ZNF536: variants seen among roughly 807,000 people sequenced by gnomAD.
ZNF536 encodes the protein zinc finger protein 536.
In ZNF536, 13 loss-of-function variants were observed where a neutral mutation model predicts 84.5. That is an observed-to-expected ratio of 0.15 (90% CI 0.10 to 0.24). The LOEUF is 0.24. Ranked by LOEUF, ZNF536 falls within the 10% of genes least tolerant of loss-of-function variation. ZNF536 has a pLI of 1.00. For missense variants in ZNF536, 1,536 were observed against 1,747.5 expected (o/e 0.88, Z 2.16); for synonymous variants, 811 against 742.5 (o/e 1.09, Z -1.50).
intron 1 of ZNF536, among the ~76,000 whole-genome samples, chr19:30,432,921 G>A (rs960720472): frequency 6.6e-6 from 1 of 152,144 alleles, no homozygotes; most frequent in Non-Finnish European, 1.5e-5. Flanking sequence ...CTTTTTTATA[G>A]GAACCTGGTA....
chr19:30,442,172 G>A (rs1383203817), intron 1 of ZNF536, among the ~76,000 whole-genome samples: 1 of 152,238 alleles, frequency 6.6e-6, no homozygotes, highest in East Asian at 1.9e-4. Flanking sequence ...GACATAGCTG[G>A]AAATAGAAGG....
chr19:30,607,351 C>G (rs530283551), intron 1 of ZNF536, among the ~76,000 whole-genome samples: 1 of 151,806 alleles, frequency 6.6e-6, no homozygotes. Context: ...TATTATTATT[C>G]TCATTGTTAA....
chr19:30,455,812 A>T (rs1435413175), intron 2 of ZNF536, among the ~76,000 whole-genome samples: 1 of 152,190 alleles, frequency 6.6e-6, no homozygotes, highest in African/African-American at 2.4e-5. Flanking sequence ...GATCTATCAA[A>T]CTCGAGGTGA....
At chr19:30,481,795 C>T (rs949632489) in intron 2 of ZNF536, among the ~76,000 whole-genome samples, 31 of 152,134 alleles carry the variant, frequency 2.0e-4, no homozygotes, top group Admixed American at 5.2e-4. Context: ...ACACTGTATC[C>T]AATATGTAGT....
intron 2 of ZNF536, among the ~76,000 whole-genome samples, chr19:30,338,233 G>T (rs963490630): frequency 1.3e-5 from 2 of 151,676 alleles, no homozygotes; most frequent in Non-Finnish European, 2.9e-5. Context: ...CAATGTTAAT[G>T]GTGATTATGA....
At chr19:30,494,423 T>C (rs1016867409) in intron 2 of ZNF536, among the ~76,000 whole-genome samples, 3 of 152,234 alleles carry the variant, frequency 2.0e-5, no homozygotes, top group South Asian at 4.1e-4. Flanking sequence ...TGAAGGCACC[T>C]GGTAAGGCTG....
chr19:30,269,071 C>T (rs538951905), intron 1 of ZNF536, among the ~76,000 whole-genome samples: 38 of 152,306 alleles, frequency 2.5e-4, no homozygotes, highest in Non-Finnish European at 4.6e-4. Flanking sequence ...GAAACACTCA[C>T]GGTCTTTAGT....
At chr19:30,457,395 C>T (rs762990358) in intron 2 of ZNF536, among the ~76,000 whole-genome samples, 4 of 152,224 alleles carry the variant, frequency 2.6e-5, no homozygotes, top group African/African-American at 4.8e-5. Context: ...AAGTAAATGC[C>T]TTGTCACATA....
At chr19:30,655,807 G>T (rs918146255) in intron 1 of ZNF536, among the ~76,000 whole-genome samples, 5 of 152,166 alleles carry the variant, frequency 3.3e-5, no homozygotes, top group African/African-American at 1.2e-4. Flanking sequence ...GGGAGGCTGA[G>T]GTGGGAGGAT....
At chr19:30,326,290 T>C (rs969169887) in intron 2 of ZNF536, among the ~76,000 whole-genome samples, 1 of 152,116 alleles carries the variant, frequency 6.6e-6, no homozygotes, top group South Asian at 2.1e-4. Context: ...AGGCCTGGGA[T>C]CCTTGGGAGT....
At chr19:30,251,527 G>A (rs2024610455) in intron 1 of ZNF536, among the ~76,000 whole-genome samples, 1 of 152,130 alleles carries the variant, frequency 6.6e-6, no homozygotes, top group Non-Finnish European at 1.5e-5. Flanking sequence ...CCTGTTCAAG[G>A]CATCGTGTGG....
intron 4 of ZNF536, among the ~76,000 whole-genome samples, chr19:30,549,823 G>A (rs559266410): frequency 1.3e-5 from 2 of 152,222 alleles, no homozygotes; most frequent in South Asian, 2.1e-4. Flanking sequence ...TTGAAGGGGG[G>A]AAAATCGACT....
chr19:30,372,742 C>A (rs190493925), intron 1 of ZNF536, among the ~76,000 whole-genome samples, 186 bp downstream of exon 1: 1 of 152,070 alleles, frequency 6.6e-6, no homozygotes, highest in Non-Finnish European at 1.5e-5. Context: ...AAAATTATAG[C>A]CCTTTAAATT....
intron 2 of ZNF536, among the ~76,000 whole-genome samples, chr19:30,309,413 G>A (rs1047298056): frequency 7.9e-5 from 12 of 152,182 alleles, no homozygotes; most frequent in African/African-American, 2.4e-4. Flanking sequence ...GTTATTGGAC[G>A]TTGCCTCAGA....
chr19:30,598,090 C>G (rs151214544), intron 1 of ZNF536, among the ~76,000 whole-genome samples: 11 of 152,134 alleles, frequency 7.2e-5, no homozygotes, highest in Non-Finnish European at 1.3e-4. Context: ...AGGCATGCAT[C>G]GTGAATCCAG....
chr19:30,642,528 G>T (rs1415461751), intron 1 of ZNF536, among the ~76,000 whole-genome samples: 1 of 152,188 alleles, frequency 6.6e-6, no homozygotes, highest in African/African-American at 2.4e-5. Flanking sequence ...ACTGAAATGT[G>T]TTGGCTGATT....
intron 2 of ZNF536, 70 bp from the exon 3 acceptor site, chr19:30,534,777 T>C: frequency 6.7e-7 from 1 of 1,489,752 alleles, no homozygotes; most frequent in Non-Finnish European, 9.0e-7. Context: ...TGTGTGGTGT[T>C]AGCAGTTTTG....
chr19:30,520,800 A>G (rs933852773), intron 2 of ZNF536, among the ~76,000 whole-genome samples: 1 of 152,148 alleles, frequency 6.6e-6, no homozygotes, highest in Non-Finnish European at 1.5e-5. Context: ...GAGGCTACCA[A>G]TTGGGACTCT....
chr19:30,545,267 G>A (rs1258099334), intron 3 of ZNF536, among the ~76,000 whole-genome samples: 4 of 151,674 alleles, frequency 2.6e-5, no homozygotes, highest in South Asian at 2.1e-4. Context: ...CTTCTGCGCC[G>A]ACCCCAGACC....
Sources: allele counts gnomAD v4.1 joint callset (sites outside exome capture counted in the v4.1 genomes callset), GRCh38; gene constraint gnomAD v4.1.1; transcripts MANE v1.5; gene names NCBI Gene and HGNC (gene_info 2026-07-23, HGNC 2026-07-21).